The following SMC3 variants were observed in gnomAD, a reference collection of about 807,000 sequenced individuals.
The protein encoded by SMC3 is structural maintenance of chromosomes 3, also known as structural maintenance of chromosomes protein 3.
A neutral mutation model predicts 171.8 loss-of-function variants in SMC3; 20 were observed. The ratio of observed to expected loss-of-function variants is 0.12; its 90% confidence interval spans 0.08 to 0.17. SMC3 has a LOEUF of 0.17. SMC3 is among the 10% of genes least tolerant of loss of function. The probability of loss-of-function intolerance (pLI) is 1.00; values close to 1 mark genes in which losing one functional copy is unlikely to be tolerated. For missense variants in SMC3, 543 were observed against 1,420.4 expected, an observed-to-expected ratio of 0.38 and a Z score of 9.93; for synonymous variants, 464 against 451.1, an observed-to-expected ratio of 1.03 and a Z score of -0.36.
At chr10:110,579,427 A>AAG (rs1357560004) in intron 7 of SMC3, among the ~76,000 whole-genome samples, 8 of 152,170 alleles carry the variant, frequency 5.3e-5, no homozygotes, top group Non-Finnish European at 7.3e-5. Flanking sequence ...GCTGATTTGA[A>AAG]AGAGCACTTT....
At chr10:110,586,802 C>G (rs913793978) in intron 13 of SMC3, among the ~76,000 whole-genome samples, 2 of 152,042 alleles carry the variant, frequency 1.3e-5, no homozygotes, top group African/African-American at 2.4e-5. Context: ...AGATTACAGG[C>G]GCCCGCCACT....
At chr10:110,603,127 T>G in intron 27 of SMC3, 57 bp from the exon 28 acceptor site, 1 of 1,547,326 alleles carries the variant, frequency 6.5e-7, no homozygotes, top group Non-Finnish European at 8.9e-7. Context: ...TAGTTGCTTT[T>G]TAAATTTTCA....
chr10:110,593,051 G>A (rs1442828411), intron 17 of SMC3, 22 bp from the exon 18 acceptor site: 3 of 1,603,808 alleles, frequency 1.9e-6, no homozygotes, highest in Admixed American at 1.7e-5. Flanking sequence ...TGATCTCTCT[G>A]TTGACAAAAT....
At chr10:110,567,870 T>TA (rs1197832672) in intron 1 of SMC3, 39 bp downstream of exon 1, 1 of 1,611,984 alleles carries the variant, frequency 6.2e-7, no homozygotes, top group South Asian at 1.1e-5. Context: ...CATGGGCCGG[T>TA]AAGGGCCGCT....
At chr10:110,576,785 A>G (rs1172946605) in intron 4 of SMC3, among the ~76,000 whole-genome samples, 1 of 152,208 alleles carries the variant, frequency 6.6e-6, no homozygotes, top group African/African-American at 2.4e-5. Context: ...TATTTACTAC[A>G]TAGTTTCTAT....
rs1030386948 is a variant in SMC3 at position 110,604,448 on chromosome 10, A to G, written c.*146A>G. On this transcript the variant is annotated 3_prime_UTR_variant, in exon 29 of 29. Coordinates refer to ENST00000361804, the MANE Select transcript of SMC3 (RefSeq NM_005445.4). ...CCTTTTATATTTGTCTTTGTATTTT[A>G]TAAGATACTCTGTAATGTCATGTTT... The G allele has an allele frequency of 3.2e-6, 2 of 633,632 alleles. No homozygotes were observed. Among genetic ancestry groups the G allele is most frequent in the Non-Finnish European group, 5.7e-6 (2 of 353,430 alleles). The allele number at this position is 633,632 out of a possible 1,614,324, so 39.3% of individuals were successfully genotyped here.
At chr10:110,596,335 A>G in intron 18 of SMC3, 63 bp from the exon 19 acceptor site, 4 of 1,448,034 alleles carry the variant, frequency 2.8e-6, no homozygotes, top group South Asian at 1.3e-5. Flanking sequence ...TTTTTTTGTT[A>G]TAAGTCAATT....
intron 19 of SMC3, among the ~76,000 whole-genome samples, chr10:110,597,154 AAAAAG>A (rs1412412261): frequency 2.6e-5 from 4 of 151,966 alleles, no homozygotes; most frequent in East Asian, 3.9e-4. Flanking sequence ...AAAAAAAAAA[AAAAAG>A]GTGACAGGGG....
At chr10:110,600,923 ATTTT>A in intron 22 of SMC3, 95 bp from the exon 23 acceptor site, 1 of 837,370 alleles carries the variant, frequency 1.2e-6, no homozygotes, top group Non-Finnish European at 2.0e-6. Flanking sequence ...ATGTATTTAT[ATTTT>A]TTTGTTTTCT....
At chr10:110,581,044 T>C (rs529651874) in intron 8 of SMC3, 23 bp downstream of exon 8, 2 of 1,347,916 alleles carry the variant, frequency 1.5e-6, no homozygotes, top group East Asian at 2.3e-5. Flanking sequence ...TGATTCTGCC[T>C]TATTTTTTTG....
intron 7 of SMC3, 24 bp downstream of exon 7, chr10:110,578,730 T>C: frequency 6.6e-7 from 1 of 1,523,602 alleles, no homozygotes; most frequent in Non-Finnish European, 9.0e-7. Flanking sequence ...ATGTCCTTTT[T>C]AAGTAGAATT....
At chr10:110,600,926 T>G (rs1271748057) in intron 22 of SMC3, 96 bp from the exon 23 acceptor site, 1 of 857,424 alleles carries the variant, frequency 1.2e-6, no homozygotes, top group African/African-American at 1.7e-5. Context: ...TATTTATATT[T>G]TTTTGTTTTC....
chr10:110,581,043 CTTAT>C, intron 8 of SMC3, 22 bp downstream of exon 8: 1 of 1,352,550 alleles, frequency 7.4e-7, no homozygotes, highest in Middle Eastern at 1.8e-4. Context: ...GTGATTCTGC[CTTAT>C]TTTTTTGTTG....
intron 18 of SMC3, among the ~76,000 whole-genome samples, chr10:110,594,896 T>C (rs1861272681): frequency 6.6e-6 from 1 of 152,190 alleles, no homozygotes; most frequent in South Asian, 2.1e-4. Context: ...ATTAACCTAA[T>C]ATCCTCTAAA....
chr10:110,582,492 T>G, intron 9 of SMC3, 70 bp from the exon 10 acceptor site: 1 of 1,083,694 alleles, frequency 9.2e-7, no homozygotes, highest in Non-Finnish European at 1.3e-6. Context: ...AGAAAAATTT[T>G]TATTAGATGT....
At chr10:110,597,685 T>C (rs1242635196) in intron 19 of SMC3, among the ~76,000 whole-genome samples, 1 of 152,212 alleles carries the variant, frequency 6.6e-6, no homozygotes, top group East Asian at 1.9e-4. Flanking sequence ...ATGTTGACAG[T>C]GTATACCAGC....
rs534246067 is a variant in SMC3, at chr10:110,599,593, A to G, written c.2269-61A>G. The G allele has an allele frequency of 2.1e-5, 31 of 1,479,912 alleles. No homozygotes were observed. In the East Asian group the frequency reaches 5.9e-4, roughly 28 times the overall value. The allele number at this position is 1,479,912 out of a possible 1,614,324, so 91.7% of individuals were successfully genotyped here. On this transcript the variant is annotated intron_variant, in intron 20 of 28. Coordinates refer to ENST00000361804, the MANE Select transcript of SMC3 (RefSeq NM_005445.4). ...TCAATCAAATATAGATTGTTTTAAA[A>G]TTTTCACTATAAGTAATACAGTGGC... is the stretch of plus-strand genomic sequence containing the variant.
intron 20 of SMC3, among the ~76,000 whole-genome samples, chr10:110,599,297 A>G (rs1014159118): frequency 2.0e-5 from 3 of 152,242 alleles, no homozygotes; most frequent in African/African-American, 4.8e-5. Context: ...GGGTTTCACC[A>G]TGTTGGCCAG....
At chr10:110,598,616 G>C (rs946342834) in intron 20 of SMC3, among the ~76,000 whole-genome samples, 1 of 152,058 alleles carries the variant, frequency 6.6e-6, no homozygotes, top group Non-Finnish European at 1.5e-5. Flanking sequence ...ATGTTGTCCA[G>C]GCTTGTCTCA....
Sources: allele counts gnomAD v4.1 joint callset (sites outside exome capture counted in the v4.1 genomes callset), GRCh38; gene constraint gnomAD v4.1.1; transcripts MANE v1.5; gene names NCBI Gene and HGNC (gene_info 2026-07-23, HGNC 2026-07-21).